ASTN2: variants seen among roughly 807,000 people sequenced by gnomAD.
The protein encoded by ASTN2 is astrotactin 2.
ASTN2 carries 54 observed loss-of-function variants against 139.8 expected under a neutral mutation model. That is an observed-to-expected ratio of 0.39 (90% CI 0.31 to 0.48). ASTN2 has a LOEUF of 0.48. ASTN2 is among the 20% of genes least tolerant of loss of function. The pLI is 0.95. For missense variants in ASTN2, 1,565 were observed against 1,725.1 expected, an observed-to-expected ratio of 0.91 and a Z score of 1.64; for synonymous variants, 756 against 719.5, an observed-to-expected ratio of 1.05 and a Z score of -0.81.
chr9:116,818,933 G>C (rs1564284856), intron 12 of ASTN2, among the ~76,000 whole-genome samples: 1 of 152,108 alleles, frequency 6.6e-6, no homozygotes, highest in African/African-American at 2.4e-5. Flanking sequence ...AGCCTTCAGA[G>C]GGTAACAAAT....
At chr9:116,843,382 G>A (rs1002681594) in intron 11 of ASTN2, among the ~76,000 whole-genome samples, 5 of 152,284 alleles carry the variant, frequency 3.3e-5, no homozygotes, top group East Asian at 1.9e-4. Flanking sequence ...GCTAGGACGG[G>A]CGTGGTGGCT....
intron 7 of ASTN2, among the ~76,000 whole-genome samples, chr9:116,980,695 T>G (rs1928994): frequency 6.6e-6 from 1 of 152,170 alleles, no homozygotes; most frequent in Non-Finnish European, 1.5e-5. Flanking sequence ...AGCAGCAGCC[T>G]GGGTGTCTCT....
intron 1 of ASTN2, among the ~76,000 whole-genome samples, chr9:117,389,896 T>C (rs1044746997): frequency 1.3e-5 from 2 of 149,214 alleles, no homozygotes; most frequent in Non-Finnish European, 3.0e-5. Context: ...AAAGACAGTG[T>C]ATTCGGGGGT....
chr9:116,778,461 A>G (rs1340519305), intron 13 of ASTN2, among the ~76,000 whole-genome samples: 1 of 152,022 alleles, frequency 6.6e-6, no homozygotes, highest in East Asian at 1.9e-4. Flanking sequence ...TTGAGGATCA[A>G]TTACTAAAAA....
intron 11 of ASTN2, among the ~76,000 whole-genome samples, chr9:116,842,231 G>A (rs1017573985): frequency 6.6e-6 from 1 of 152,156 alleles, no homozygotes; most frequent in Admixed American, 6.5e-5. Flanking sequence ...ACAGCATCTT[G>A]GGAAGAAGAG....
intron 10 of ASTN2, among the ~76,000 whole-genome samples, chr9:116,968,429 C>A (rs1376337855): frequency 6.6e-6 from 1 of 152,182 alleles, no homozygotes; most frequent in Non-Finnish European, 1.5e-5. Flanking sequence ...TGAATGAATA[C>A]ACTACCCTAA....
chr9:117,171,470 C>T (rs1039556365), intron 3 of ASTN2, among the ~76,000 whole-genome samples: 6 of 152,146 alleles, frequency 3.9e-5, no homozygotes, highest in African/African-American at 1.4e-4. Context: ...AAATGTCTAA[C>T]CTAGTACCTG....
At chr9:117,389,048 T>G in intron 1 of ASTN2, among the ~76,000 whole-genome samples, 1 of 152,222 alleles carries the variant, frequency 6.6e-6, no homozygotes, top group East Asian at 1.9e-4. Context: ...TGCGTGTGCC[T>G]TTCACTTCAA....
chr9:117,140,852 C>G (rs12685948), intron 4 of ASTN2, among the ~76,000 whole-genome samples: 19,169 of 152,110 alleles, frequency 0.13, 1,479 homozygotes, highest in Non-Finnish European at 0.17. Context: ...TAGGTAGCAG[C>G]AGAAACAAAA....
chr9:116,656,215 A>G (rs1195614593), intron 16 of ASTN2, among the ~76,000 whole-genome samples: 1 of 152,210 alleles, frequency 6.6e-6, no homozygotes, highest in East Asian at 1.9e-4. Flanking sequence ...AATATATAGT[A>G]AACATACATA....
chr9:117,098,004 G>C (rs1828879677), intron 4 of ASTN2, among the ~76,000 whole-genome samples: 1 of 152,168 alleles, frequency 6.6e-6, no homozygotes, highest in Admixed American at 6.5e-5. Flanking sequence ...AAGCAAAGAT[G>C]CAAAGACATG....
intron 13 of ASTN2, among the ~76,000 whole-genome samples, chr9:116,758,498 T>G (rs1192800447): frequency 4.6e-5 from 7 of 152,166 alleles, no homozygotes; most frequent in African/African-American, 1.7e-4. Flanking sequence ...AGGGTTATTT[T>G]GGACATTATT....
At chr9:117,320,401 G>A (rs1587944219) in intron 1 of ASTN2, among the ~76,000 whole-genome samples, 1 of 152,232 alleles carries the variant, frequency 6.6e-6, no homozygotes, top group East Asian at 1.9e-4. Context: ...GTCTTGCATG[G>A]CTCTTTTCAC....
intron 1 of ASTN2, among the ~76,000 whole-genome samples, chr9:117,299,332 G>T (rs1834818384): frequency 6.6e-6 from 1 of 152,198 alleles, no homozygotes; most frequent in African/African-American, 2.4e-5. Context: ...AGCTGGCATT[G>T]TGGGACTCTG....
chr9:117,317,692 T>C (rs1587942013), intron 1 of ASTN2, among the ~76,000 whole-genome samples: 2 of 152,160 alleles, frequency 1.3e-5, no homozygotes, highest in Admixed American at 1.3e-4. Flanking sequence ...TAGATTCTCC[T>C]GGGAGGAACC....
chr9:116,631,205 G>T lies in ASTN2; in HGVS notation c.3073-10762C>A, dbSNP rs192180796. Among the ~76,000 whole-genome samples, 10 of 152,166 alleles carry T rather than the reference G, an allele frequency of 6.6e-5. No individual in the cohort carries two copies. In the East Asian group the frequency reaches 1.7e-3, roughly 26 times the overall value. On this transcript the variant is annotated intron_variant, in intron 17 of 22. Coordinates refer to ENST00000313400, the MANE Select transcript of ASTN2 (RefSeq NM_001365068.1). The stretch of plus-strand genomic sequence containing the variant: ...TATAATCCAATAATCTCACTACTGG[G>T]CATATATACAAAGGAAATAAAATCA...
intron 10 of ASTN2, among the ~76,000 whole-genome samples, chr9:116,889,720 TACACACACACACAC>T (rs9299242): frequency 0.12 from 16,899 of 136,576 alleles, 1,233 homozygotes; most frequent in South Asian, 0.21. Flanking sequence ...ACCTTGTCTC[TACACACACACACAC>T]ACACACACAC....
At chr9:116,815,807 A>AAAAAAAAAAC (rs1831306069) in intron 12 of ASTN2, among the ~76,000 whole-genome samples, 1 of 143,434 alleles carries the variant, frequency 7.0e-6, no homozygotes, top group African/African-American at 2.6e-5. Context: ...TCCGTCTCAA[A>AAAAAAAAAAC]AAAAAAAAAA....
chr9:116,667,184 G>C (rs1477196094), intron 16 of ASTN2, among the ~76,000 whole-genome samples: 1 of 151,796 alleles, frequency 6.6e-6, no homozygotes, highest in Non-Finnish European at 1.5e-5. Context: ...TTGAACTCCT[G>C]ACCTCAAGTG....
Sources: gnomAD v4.1 joint callset for allele counts (sites outside exome capture counted in the v4.1 genomes callset) on GRCh38, gnomAD v4.1.1 for gene constraint, MANE v1.5 for transcripts, NCBI Gene and HGNC (gene_info 2026-07-23, HGNC 2026-07-21) for gene names.